Variants in STK32B observed in about 807,000 individuals in gnomAD.
STK32B encodes serine/threonine-protein kinase 32B.
In STK32B, 43 loss-of-function variants were observed where a neutral mutation model predicts 52.6. The observed-to-expected ratio is 0.82, with a 90% CI of 0.64 to 1.05. The LOEUF (loss-of-function observed/expected upper bound fraction) is 1.05, where lower values mean the gene tolerates loss of function less well. Among genes scored for constraint, STK32B ranks in the 50% least tolerant of loss-of-function variants. The probability of loss-of-function intolerance (pLI) is 0.00; values close to 1 mark genes in which losing one functional copy is unlikely to be tolerated. For missense variants in STK32B, 621 were observed against 534.6 expected (o/e 1.16, Z -1.59); for synonymous variants, 238 against 204.3 (o/e 1.17, Z -1.41).
intron 2 of STK32B, among the ~76,000 whole-genome samples, chr4:5,144,784 TCATCCATCCATC>T (rs112099943): frequency 0.064 from 6,103 of 95,646 alleles, 325 homozygotes; most frequent in Admixed American, 0.22. Context: ...ACTCATTCAC[TCATCCATCCATC>T]CATCCATCCA....
rs189678583 is a variant in STK32B, at chr4:5,493,488, C to G, written c.1107-5457C>G. Among the ~76,000 whole-genome samples, 1,363 of 151,868 alleles carry G rather than the reference C, an allele frequency of 9.0e-3. 16 individuals carry two copies. The highest frequency in any genetic ancestry group is 0.024 in the Middle Eastern group (7 of 292). On this transcript the variant is annotated intron_variant, in intron 11 of 11. Coordinates refer to ENST00000282908, the MANE Select transcript of STK32B (RefSeq NM_018401.3). Reference sequence around the variant, plus strand: ...CTCTCTTTTCTTCTTTATTAGTCTTCCTAGCAGTCTATCAATTTTGTTGAT... The same window carrying G: ...CTCTCTTTTCTTCTTTATTAGTCTTGCTAGCAGTCTATCAATTTTGTTGAT...
At chr4:5,175,684 C>T (rs867538327) in intron 3 of STK32B, among the ~76,000 whole-genome samples, 43 of 152,254 alleles carry the variant, frequency 2.8e-4, no homozygotes, top group Middle Eastern at 3.4e-3. Flanking sequence ...GAGGAGTACC[C>T]GGCCGTGTGA....
chr4:5,241,914 T>C (rs957345354), intron 3 of STK32B, among the ~76,000 whole-genome samples: 1 of 152,222 alleles, frequency 6.6e-6, no homozygotes, highest in Non-Finnish European at 1.5e-5. Flanking sequence ...ACTCATCATT[T>C]TTTATGGCTG....
chr4:5,100,527 TTTCC>T (rs1217432531), intron 1 of STK32B, among the ~76,000 whole-genome samples: 3 of 132,796 alleles, frequency 2.3e-5, no homozygotes, highest in African/African-American at 5.5e-5. Context: ...TTCTTCTCTC[TTTCC>T]TTCCTTCCTT....
chr4:5,446,611 TA>T, intron 6 of STK32B, 61 bp from the exon 7 acceptor site: 1 of 1,371,716 alleles, frequency 7.3e-7, no homozygotes, highest in Non-Finnish European at 1.0e-6. Context: ...GTCCCCTCTC[TA>T]AGGGGTGGTG....
intron 6 of STK32B, among the ~76,000 whole-genome samples, chr4:5,426,086 C>T (rs573545472): frequency 8.5e-5 from 13 of 152,284 alleles, no homozygotes; most frequent in Admixed American, 5.9e-4. Flanking sequence ...TTTATATGAG[C>T]TTAAATTTCC....
rs982154832 is a variant in STK32B, at chr4:5,467,216, A to G, written c.1041+382A>G. Reference sequence around the variant, plus strand: ...TGTATTCGTTTCCTGGGGCTGCCACAAGCTAGGTGGCTTAAAACAACCCAC... The same window carrying G: ...TGTATTCGTTTCCTGGGGCTGCCACGAGCTAGGTGGCTTAAAACAACCCAC... On this transcript the variant is annotated intron_variant, in intron 10 of 11. Coordinates refer to ENST00000282908, the MANE Select transcript of STK32B (RefSeq NM_018401.3). This position sits in a 1 kb window ranked among gnomAD's most constrained non-coding sequence, Gnocchi z 5.8. Among the ~76,000 whole-genome samples, 3 of 152,128 alleles carry G rather than the reference A, an allele frequency of 2.0e-5. No individual in the cohort carries two copies. The highest frequency in any genetic ancestry group is 2.9e-5 in the Non-Finnish European group (2 of 68,010).
At chr4:5,466,257 G>A (rs767326242) in intron 9 of STK32B, among the ~76,000 whole-genome samples, 3 of 152,316 alleles carry the variant, frequency 2.0e-5, no homozygotes, top group Admixed American at 6.5e-5. Context: ...GGCGGGAGGC[G>A]GGGGTACGGA....
intron 4 of STK32B, among the ~76,000 whole-genome samples, chr4:5,364,148 T>G (rs1577398371): frequency 6.6e-6 from 1 of 152,240 alleles, no homozygotes; most frequent in Admixed American, 6.5e-5. Flanking sequence ...ATTCAAATCC[T>G]TCAAGATTTG....
chr4:5,127,642 A>G (rs1372789557), intron 1 of STK32B, among the ~76,000 whole-genome samples: 1 of 152,146 alleles, frequency 6.6e-6, no homozygotes, highest in African/African-American at 2.4e-5. Context: ...ATAAGAAGAG[A>G]AAACAGAGAC....
Position 5,334,737 on chromosome 4 carries a change from T to C in STK32B, c.434+3344T>C, listed in dbSNP as rs867476708. 1.3e-4 allele frequency among the ~76,000 whole-genome samples: 20 copies of C among 151,622 alleles called. No individual in the cohort carries two copies. In the Middle Eastern group the frequency reaches 0.01, roughly 77 times the overall value. ...TTTTCTGCATCTATTGAGATAATCA[T>C]GTGGTTTTTGTCTTTGGTTCTGTTT... On this transcript the variant is annotated intron_variant, in intron 4 of 11. Coordinates refer to ENST00000282908, the MANE Select transcript of STK32B (RefSeq NM_018401.3).
At chr4:5,390,092 C>T (rs777726988) in intron 4 of STK32B, among the ~76,000 whole-genome samples, 30 of 152,228 alleles carry the variant, frequency 2.0e-4, no homozygotes, top group Non-Finnish European at 4.0e-4. Flanking sequence ...CTTTGGACTT[C>T]CACCCTCCAG....
the STK32B span, chr4:5,019,531 G>A: frequency 1.5e-6 from 2 of 1,343,854 alleles, no homozygotes; most frequent in Non-Finnish European, 1.9e-6. Flanking sequence ...TCCACTTCCT[G>A]TGGGGCCAGC....
chr4:5,119,543 C>A (rs745689985), intron 1 of STK32B, among the ~76,000 whole-genome samples: 8 of 152,340 alleles, frequency 5.3e-5, no homozygotes, highest in Admixed American at 1.3e-4. Flanking sequence ...TTTTTCCTCT[C>A]AAATATTGTC....
chr4:5,196,334 GTTTTTTTTT>G (rs35605834), intron 3 of STK32B, among the ~76,000 whole-genome samples: 27,112 of 89,116 alleles, frequency 0.3, 3,067 homozygotes, highest in East Asian at 0.38. Context: ...TCTTTCTTCA[GTTTTTTTTT>G]TTTTTTTTTT....
At chr4:5,142,292 G>C (rs1253762343) in intron 2 of STK32B, among the ~76,000 whole-genome samples, 1 of 152,202 alleles carries the variant, frequency 6.6e-6, no homozygotes, top group African/African-American at 2.4e-5. Context: ...CTTCCCTGGG[G>C]AGTATTTTCT....
At chr4:5,236,769 T>C (rs4689208) in intron 3 of STK32B, among the ~76,000 whole-genome samples, 3,166 of 152,326 alleles carry the variant, frequency 0.021, 67 homozygotes, top group East Asian at 0.076. Flanking sequence ...AATTTATTTA[T>C]TCATTCTACT....
At chr4:5,489,739 A>T (rs1182742408) in intron 11 of STK32B, among the ~76,000 whole-genome samples, 7 of 151,892 alleles carry the variant, frequency 4.6e-5, no homozygotes, top group African/African-American at 1.7e-4. Flanking sequence ...CCCTGCCTCA[A>T]CCAACTAGTT....
At chr4:5,107,906 C>T (rs139628901) in intron 1 of STK32B, among the ~76,000 whole-genome samples, 13 of 152,112 alleles carry the variant, frequency 8.5e-5, no homozygotes, top group East Asian at 1.9e-4. Flanking sequence ...TTTATTAAAA[C>T]GTAGCAAACA....
Sources: gnomAD v4.1 joint callset for allele counts (sites outside exome capture counted in the v4.1 genomes callset) on GRCh38, gnomAD v4.1.1 for gene constraint, Gnocchi (gnomAD v3.1) non-coding constraint, MANE v1.5 for transcripts, NCBI Gene and HGNC (gene_info 2026-07-23, HGNC 2026-07-21) for gene names.